The following PAM variants were observed in gnomAD, a reference collection of about 807,000 sequenced individuals.
The protein encoded by PAM is peptidyl-glycine alpha-amidating monooxygenase.
PAM carries 72 observed loss-of-function variants against 122.1 expected under a neutral mutation model. The observed-to-expected ratio is 0.59, with a 90% CI of 0.49 to 0.72. PAM has a LOEUF of 0.72. PAM is among the 30% of genes least tolerant of loss of function. PAM has a pLI of 0.00. For synonymous variants in PAM, 389 were observed against 404.4 expected (o/e 0.96, Z 0.46); for missense variants, 1,106 against 1,183.7 (o/e 0.93, Z 0.96).
intron 1 of PAM, among the ~76,000 whole-genome samples, chr5:102,861,632 G>T (rs1432024985): frequency 6.6e-6 from 1 of 152,156 alleles, no homozygotes; most frequent in Non-Finnish European, 1.5e-5. Flanking sequence ...TTTGGAACCT[G>T]AGGATTAGAT....
chr5:102,911,719 C>T (rs1356362795), intron 4 of PAM, among the ~76,000 whole-genome samples: 2 of 151,952 alleles, frequency 1.3e-5, no homozygotes, highest in Non-Finnish European at 2.9e-5. Flanking sequence ...TTGCCCTTAC[C>T]TGAATCTTTT....
intron 12 of PAM, among the ~76,000 whole-genome samples, chr5:102,953,385 G>C (rs149813515): frequency 1.1e-4 from 16 of 152,006 alleles, no homozygotes; most frequent in East Asian, 5.8e-4. Flanking sequence ...TTACAAGGAG[G>C]GGGGGGAATC....
chr5:103,030,950 T>C (rs1786151186), downstream of PAM: 1 of 152,222 alleles, frequency 6.6e-6, no homozygotes, highest in African/African-American at 2.4e-5. Context: ...TATTTTCACA[T>C]AAATTATAGT....
At chr5:102,919,756 G>A (rs950277650) in intron 5 of PAM, among the ~76,000 whole-genome samples, 1 of 151,930 alleles carries the variant, frequency 6.6e-6, no homozygotes, top group East Asian at 1.9e-4. Flanking sequence ...ATAGTATAAC[G>A]GATCAATTTT....
intron 3 of PAM, among the ~76,000 whole-genome samples, chr5:102,874,932 C>T (rs1311597116): frequency 6.6e-6 from 1 of 152,004 alleles, no homozygotes; most frequent in African/African-American, 2.4e-5. Flanking sequence ...GTGTTCATAG[C>T]AAATAGCCGG....
At chr5:102,971,409 AG>A (rs576539717) in intron 14 of PAM, among the ~76,000 whole-genome samples, 359 of 152,324 alleles carry the variant, frequency 2.4e-3, no homozygotes, top group Non-Finnish European at 3.5e-3. Flanking sequence ...ATTATTTCTT[AG>A]GGGCACAGAA....
intron 4 of PAM, among the ~76,000 whole-genome samples, chr5:102,905,186 T>C (rs1465872897): frequency 1.3e-5 from 2 of 151,684 alleles, no homozygotes; most frequent in Non-Finnish European, 3.0e-5. Flanking sequence ...TGTGGTGCTG[T>C]CTAAAAGGTG....
At chr5:102,761,244 C>T (rs141346731) in intron 1 of PAM, among the ~76,000 whole-genome samples, 2 of 152,310 alleles carry the variant, frequency 1.3e-5, no homozygotes, top group East Asian at 1.9e-4. Context: ...AAACATAATA[C>T]TTTAAAGTAC....
chr5:102,785,947 A>G (rs1760411509), intron 1 of PAM, among the ~76,000 whole-genome samples: 1 of 152,194 alleles, frequency 6.6e-6, no homozygotes, highest in Non-Finnish European at 1.5e-5. Flanking sequence ...TGAGCCAAAG[A>G]TGTTGAACTT....
At chr5:102,905,040 A>T (rs186195978) in intron 4 of PAM, among the ~76,000 whole-genome samples, 45 of 151,798 alleles carry the variant, frequency 3.0e-4, no homozygotes, top group Admixed American at 2.3e-3. Flanking sequence ...AATGATGAAG[A>T]TAAAAATATG....
chr5:102,922,827 A>C (rs989434274), intron 5 of PAM, among the ~76,000 whole-genome samples: 1 of 147,706 alleles, frequency 6.8e-6, no homozygotes, highest in African/African-American at 2.6e-5. Context: ...AGTGATATAC[A>C]AAGTTCAACA....
At chr5:102,818,556 G>A (rs1341071724) in intron 1 of PAM, among the ~76,000 whole-genome samples, 2 of 152,144 alleles carry the variant, frequency 1.3e-5, no homozygotes, top group Non-Finnish European at 2.9e-5. Context: ...GCATGAGGAA[G>A]CATTATGAAC....
chr5:102,825,727 A>G, intron 1 of PAM, among the ~76,000 whole-genome samples: 1 of 152,180 alleles, frequency 6.6e-6, no homozygotes, highest in Non-Finnish European at 1.5e-5. Context: ...ATGTGCCTCT[A>G]GTCTAGCTAC....
intron 5 of PAM, among the ~76,000 whole-genome samples, chr5:102,914,762 A>G (rs1348975670): frequency 6.6e-6 from 1 of 152,118 alleles, no homozygotes; most frequent in Admixed American, 6.6e-5. Flanking sequence ...ATAAAGATTG[A>G]ACCCTAGCTT....
chr5:102,879,086 A>G (rs1790144407), intron 3 of PAM, among the ~76,000 whole-genome samples: 3 of 151,506 alleles, frequency 2.0e-5, no homozygotes, highest in South Asian at 2.1e-4. Context: ...CTGCCACCAC[A>G]CCCAGCTAAT....
chr5:103,003,890 C>T (rs73179839), intron 17 of PAM, among the ~76,000 whole-genome samples: 2,486 of 151,492 alleles, frequency 0.016, 62 homozygotes, highest in African/African-American at 0.058. Context: ...CCTTATCATG[C>T]GTATGTAATT....
intron 14 of PAM, among the ~76,000 whole-genome samples, chr5:102,962,853 G>A (rs941216797): frequency 6.6e-5 from 10 of 151,172 alleles, no homozygotes; most frequent in Non-Finnish European, 1.5e-4. Context: ...ATATTCAGAG[G>A]TGAACATTAT....
At chr5:102,844,520 C>T (rs1251854126) in intron 1 of PAM, among the ~76,000 whole-genome samples, 2 of 151,860 alleles carry the variant, frequency 1.3e-5, no homozygotes, top group South Asian at 2.1e-4. Flanking sequence ...ATTAAAAAAT[C>T]AGCTGGGCAT....
chr5:102,997,792 T>C (rs1776175563), intron 16 of PAM, among the ~76,000 whole-genome samples: 1 of 152,250 alleles, frequency 6.6e-6, no homozygotes, highest in South Asian at 2.1e-4. Flanking sequence ...CAATATCAAT[T>C]ACTTGACACA....
Sources: allele counts gnomAD v4.1 joint callset (sites outside exome capture counted in the v4.1 genomes callset), GRCh38; gene constraint gnomAD v4.1.1; transcripts MANE v1.5; gene names NCBI Gene and HGNC (gene_info 2026-07-23, HGNC 2026-07-21).